The following ACACA variants were observed in gnomAD, a reference collection of about 807,000 sequenced individuals.
The protein encoded by ACACA is acetyl-CoA carboxylase 1.
A neutral mutation model predicts 296.1 loss-of-function variants in ACACA; 103 were observed. The ratio of observed to expected loss-of-function variants is 0.35; its 90% CI spans 0.30 to 0.41. The LOEUF (loss-of-function observed/expected upper bound fraction) is 0.41. Among genes scored for constraint, ACACA ranks in the 10% least tolerant of loss-of-function variants. The probability of loss-of-function intolerance (pLI) is 1.00; values close to 1 mark genes in which losing one functional copy is unlikely to be tolerated. For synonymous variants in ACACA, 953 were observed against 1,038.6 expected, an observed-to-expected ratio of 0.92 and a Z score of 1.58; for missense variants, 1,554 against 2,989.7, an observed-to-expected ratio of 0.52 and a Z score of 11.20.
chr17:37,098,205 C>T (rs1012708695), intron 52 of ACACA, among the ~76,000 whole-genome samples: 6 of 152,238 alleles, frequency 3.9e-5, no homozygotes, highest in African/African-American at 1.2e-4. Flanking sequence ...CCTCTTTTCC[C>T]TGTGGCAGTC....
At chr17:37,132,132 A>G (rs2075128517) in intron 45 of ACACA, among the ~76,000 whole-genome samples, 1 of 152,212 alleles carries the variant, frequency 6.6e-6, no homozygotes, top group African/African-American at 2.4e-5. Context: ...AGTTTACCTC[A>G]TGAAGGCAGG....
chr17:37,156,053 CT>C lies in ACACA; in HGVS notation c.5350-274del, dbSNP rs60787242. On this transcript the variant is annotated intron_variant, in intron 42 of 55. Coordinates refer to ENST00000616317, the MANE Select transcript of ACACA (RefSeq NM_198834.3). ...TTCATTTCATTTTCTTTCTTTCTTT[CT>C]TTTTTTTTTTTTTTTTTTTTTTTTG... 7.2e-3 allele frequency among the ~76,000 whole-genome samples: 677 copies of C among 93,960 alleles called. 1 individual carries two copies. Among genetic ancestry groups the C allele is most frequent in the Middle Eastern group, 0.021 (2 of 94 alleles). The allele number at this position is 93,960 out of a possible 152,430, so 61.6% of individuals were successfully genotyped here.
chr17:37,208,103 T>C (rs921579110), intron 30 of ACACA, among the ~76,000 whole-genome samples: 6 of 152,182 alleles, frequency 3.9e-5, no homozygotes, highest in African/African-American at 1.4e-4. Flanking sequence ...GTCCAATGAA[T>C]GAATAGCACA....
In ACACA at chr17:37,128,023, T is replaced by TAAAAAAAAAAAAAAAA. The variant is rs2074890198; in HGVS notation, c.5944+1341_5944+1342insTTTTTTTTTTTTTTTT. ...TGGAGGACAAGAGTGAAACTCCATCTCAAAAAAAAAAAAAAAAAAAAAAAA... is the reference window on the plus strand; with the variant it reads ...TGGAGGACAAGAGTGAAACTCCATCTAAAAAAAAAAAAAAAACAAAAAAAAAAAAAAAAAAAAAAAA... On this transcript the variant is annotated intron_variant, in intron 47 of 55. Transcript: ENST00000616317. Among the ~76,000 whole-genome samples the TAAAAAAAAAAAAAAAA allele has an allele frequency of 4.0e-4, 9 of 22,558 alleles. 2 individuals carry two copies. The highest frequency in any genetic ancestry group is 9.2e-4 in the East Asian group (1 of 1,092). The allele number at this position is 22,558 out of a possible 152,430, so 14.8% of individuals were successfully genotyped here. A position where few individuals can be genotyped will look rare whatever the true frequency, so the allele number is the denominator to read the frequency against.
At chr17:37,372,690 T>G (rs938330944) in intron 1 of ACACA, among the ~76,000 whole-genome samples, 1 of 152,148 alleles carries the variant, frequency 6.6e-6, no homozygotes, top group African/African-American at 2.4e-5. Context: ...GAACTGCATA[T>G]GTCATAAAAC....
chr17:37,114,033 A>C (rs1195315037), intron 50 of ACACA, among the ~76,000 whole-genome samples: 1 of 152,100 alleles, frequency 6.6e-6, no homozygotes, highest in Non-Finnish European at 1.5e-5. Flanking sequence ...ACAAATAATA[A>C]AAAATTAGCT....
chr17:37,195,390 TGGAAATGCCTTTAATACAAATAATGA>T (rs2077948182), intron 35 of ACACA, among the ~76,000 whole-genome samples: 1 of 152,170 alleles, frequency 6.6e-6, no homozygotes, highest in Non-Finnish European at 1.5e-5. Context: ...GCAGTTTGAA[TGGAAATGCCTTTAATACAAATAATGA>T]AGAAACTGAC....
Position 37,087,155 on chromosome 17 carries a change from A to C in ACACA, c.*161T>G. On this transcript the variant is annotated 3_prime_UTR_variant, in exon 56 of 56. Transcript: ENST00000616317. Reference sequence around the variant, plus strand: ...CTGGAGGGGGATTCTGTGATCTTACATCCCAGGATGTCATGCATAACCTGA... The same window carrying C: ...CTGGAGGGGGATTCTGTGATCTTACCTCCCAGGATGTCATGCATAACCTGA... 1.0e-6 allele frequency: 1 copy of C among 964,162 alleles called. No homozygotes were observed. The highest frequency in any genetic ancestry group is 1.6e-5 in the African/African-American group (1 of 62,232). The allele number at this position is 964,162 out of a possible 1,614,324, so 59.7% of individuals were successfully genotyped here. A position where few individuals can be genotyped will look rare whatever the true frequency, so the allele number is the denominator to read the frequency against.
chr17:37,269,221 G>C (rs1198831465), intron 10 of ACACA, among the ~76,000 whole-genome samples: 1 of 151,952 alleles, frequency 6.6e-6, no homozygotes, highest in African/African-American at 2.4e-5. Flanking sequence ...CAATGCTCCC[G>C]CTTTAGACTC....
At chr17:37,220,337 C>T (rs1459911197) in intron 29 of ACACA, among the ~76,000 whole-genome samples, 1 of 152,136 alleles carries the variant, frequency 6.6e-6, no homozygotes, top group Admixed American at 6.6e-5. Context: ...TCAGAAGCAG[C>T]CCTGCAGCCT....
At chr17:37,360,751 G>T (rs567207065) in intron 1 of ACACA, among the ~76,000 whole-genome samples, 1 of 152,136 alleles carries the variant, frequency 6.6e-6, no homozygotes, top group Middle Eastern at 3.2e-3. Context: ...ACAGAACAGG[G>T]ATTCATATTT....
chr17:37,348,424 C>G (rs115464052), intron 1 of ACACA, among the ~76,000 whole-genome samples: 1 of 152,088 alleles, frequency 6.6e-6, no homozygotes, highest in African/African-American at 2.4e-5. Flanking sequence ...ATCCTACAAG[C>G]TTCCTGAGAG....
At chr17:37,388,440 T>C (rs1300488711) in intron 1 of ACACA, among the ~76,000 whole-genome samples, 2 of 152,026 alleles carry the variant, frequency 1.3e-5, no homozygotes, top group African/African-American at 4.8e-5. Context: ...CCAGGGAAGG[T>C]GACTCAGTGG....
intron 42 of ACACA, among the ~76,000 whole-genome samples, chr17:37,157,411 G>A (rs1195553958): frequency 6.6e-6 from 1 of 152,088 alleles, no homozygotes; most frequent in Non-Finnish European, 1.5e-5. Context: ...ATCTATGTAA[G>A]GCCTTGTAGG....
chr17:37,257,584 A>T (rs1481125807), intron 14 of ACACA, 119 bp downstream of exon 14: 1 of 1,005,394 alleles, frequency 9.9e-7, no homozygotes, highest in South Asian at 1.5e-5. Context: ...AATTTCTTCA[A>T]AAAGGTTGTT....
chr17:37,366,626 G>A (rs2049615277), intron 1 of ACACA, among the ~76,000 whole-genome samples: 2 of 151,766 alleles, frequency 1.3e-5, no homozygotes, highest in South Asian at 2.1e-4. Flanking sequence ...CTGCCACCAC[G>A]CCTGGCTAAT....
chr17:37,269,748 C>A (rs2081982654), intron 10 of ACACA, among the ~76,000 whole-genome samples: 1 of 133,552 alleles, frequency 7.5e-6, no homozygotes, highest in South Asian at 2.3e-4. Context: ...GAGTTTGCTG[C>A]TAAGTGTTTT....
At chr17:37,400,397 G>A (rs1018776634) in intron 1 of ACACA, among the ~76,000 whole-genome samples, 14 of 152,142 alleles carry the variant, frequency 9.2e-5, no homozygotes, top group African/African-American at 3.4e-4. Context: ...TGGGATTACA[G>A]GTGTGAGCCA....
chr17:37,244,369 G>GAAA (rs10668354), intron 21 of ACACA, among the ~76,000 whole-genome samples: 7 of 144,250 alleles, frequency 4.9e-5, no homozygotes, highest in East Asian at 4.0e-4. Context: ...CCGTCTCGAG[G>GAAA]AAAAAAAAAA....
Sources: gnomAD v4.1 joint callset for allele counts (sites outside exome capture counted in the v4.1 genomes callset) on GRCh38, gnomAD v4.1.1 for gene constraint, MANE v1.5 for transcripts, NCBI Gene and HGNC (gene_info 2026-07-23, HGNC 2026-07-21) for gene names.